TBX15: variants seen among roughly 807,000 people sequenced by gnomAD.
The protein encoded by TBX15 is T-box transcription factor 15.
Under a neutral mutation model 53.9 loss-of-function variants are expected in TBX15, and 18 were observed. The observed-to-expected ratio is 0.33, with a 90% CI of 0.23 to 0.49. The LOEUF (loss-of-function observed/expected upper bound fraction) is 0.49. Among genes scored for constraint, TBX15 ranks in the 20% least tolerant of loss-of-function variants. TBX15 has a pLI of 0.98. For synonymous variants in TBX15, 295 were observed against 278.0 expected, an observed-to-expected ratio of 1.06 and a Z score of -0.61; for missense variants, 692 against 749.5, an observed-to-expected ratio of 0.92 and a Z score of 0.90.
At chr1:118,897,199 T>G (rs1654459826) in intron 7 of TBX15, among the ~76,000 whole-genome samples, 2 of 152,298 alleles carry the variant, frequency 1.3e-5, no homozygotes, top group South Asian at 4.1e-4. Flanking sequence ...ATGGCGTCCC[T>G]CAATGATCAC....
chr1:118,912,088 A>G (rs559941049), intron 6 of TBX15, among the ~76,000 whole-genome samples: 24 of 152,352 alleles, frequency 1.6e-4, no homozygotes, highest in African/African-American at 5.3e-4. Flanking sequence ...AATCAAATTC[A>G]ACTTTAGAAA....
chr1:118,900,115 T>TA (rs994393515), intron 6 of TBX15, among the ~76,000 whole-genome samples: 34 of 149,130 alleles, frequency 2.3e-4, no homozygotes, highest in African/African-American at 5.2e-4. Flanking sequence ...GATCTTTCTT[T>TA]AAAAAAAAAA....
intron 1 of TBX15, among the ~76,000 whole-genome samples, chr1:118,982,561 C>CAGAT (rs1266577635): frequency 6.6e-6 from 1 of 152,222 alleles, no homozygotes. Flanking sequence ...GCACATTATA[C>CAGAT]AGATAAATGG....
chr1:118,970,031 T>C (rs1351735200), intron 1 of TBX15, among the ~76,000 whole-genome samples: 1 of 152,242 alleles, frequency 6.6e-6, no homozygotes, highest in Non-Finnish European at 1.5e-5. Context: ...TAAAAGTGTG[T>C]AGCACTTCCC....
chr1:118,979,515 C>A (rs1250526291), intron 1 of TBX15, among the ~76,000 whole-genome samples: 1 of 152,140 alleles, frequency 6.6e-6, no homozygotes, highest in African/African-American at 2.4e-5. Context: ...TTTGATTCCT[C>A]GGAAATTTGT....
At position 118,885,121 on chromosome 1, in the gene TBX15, T is replaced by G. The variant is rs949115239; in HGVS notation, c.1420A>C (p.Thr474Pro). The G allele has an allele frequency of 1.9e-6, 3 of 1,614,076 alleles. No individual in the cohort carries two copies. Among genetic ancestry groups the G allele is most frequent in the Non-Finnish European group, 2.5e-6 (3 of 1,180,012 alleles). ...AYGGQLGSFP[T>P]SQFQYVMQAG... ...TGCATGACATACTGAAACTGGGAAGTGGGAAAGGACCCCAGCTGGCCACCG... is the reference window on the plus strand; with the variant it reads ...TGCATGACATACTGAAACTGGGAAGGGGGAAAGGACCCCAGCTGGCCACCG... The change falls in exon 8 of 8, where the codon ACT (threonine) becomes CCT (proline). Residue 474 changes from threonine to proline, a missense_variant. Physicochemically the swap from Thr to Pro is conservative, Grantham distance 38. This residue lies in a region of TBX15 where 375 missense variants were observed against 371.6 expected (regional missense o/e 1.01). Transcript: ENST00000369429.
At chr1:118,980,349 C>T (rs1657606150) in intron 1 of TBX15, among the ~76,000 whole-genome samples, 1 of 152,260 alleles carries the variant, frequency 6.6e-6, no homozygotes, top group African/African-American at 2.4e-5. Context: ...TCCAAGGCTC[C>T]GGGCTAGGTC....
chr1:118,955,102 C>T (rs561932919), intron 1 of TBX15, among the ~76,000 whole-genome samples: 76 of 152,292 alleles, frequency 5.0e-4, no homozygotes, highest in African/African-American at 1.7e-3. Context: ...CCAAGAAGGC[C>T]TCCCCTGCCC....
At chr1:118,964,666 A>G (rs1423523582) in intron 1 of TBX15, among the ~76,000 whole-genome samples, 8 of 152,256 alleles carry the variant, frequency 5.3e-5, no homozygotes, top group African/African-American at 1.4e-4. Flanking sequence ...ATTTCACTGA[A>G]TGGGCTATTT....
At chr1:118,975,208 C>T (rs1247094413) in intron 1 of TBX15, among the ~76,000 whole-genome samples, 1 of 152,146 alleles carries the variant, frequency 6.6e-6, no homozygotes, top group Non-Finnish European at 1.5e-5. Context: ...CAAAGAAACG[C>T]AGGTCATGTC....
intron 6 of TBX15, among the ~76,000 whole-genome samples, 159 bp downstream of exon 6, chr1:118,913,956 T>A (rs1203134894): frequency 6.6e-6 from 1 of 152,210 alleles, no homozygotes; most frequent in African/African-American, 2.4e-5. Context: ...AACAAAGAAT[T>A]TGATTCTTAC....
In TBX15 at chr1:118,914,118, T is replaced by C. The variant is rs1373799979; in HGVS notation, c.923A>G (p.Asn308Ser). 2 of 1,613,656 alleles carry C rather than the reference T, an allele frequency of 1.2e-6. No individual in the cohort carries two copies. Among genetic ancestry groups the C allele is most frequent in the East Asian group, 2.2e-5 (1 of 44,870 alleles). Residue 308 changes from asparagine to serine, a missense_variant, in exon 6 of 8, where the codon AAC (asparagine) becomes AGC (serine). By Grantham distance (46) the Asn-to-Ser change is conservative. Around this residue, in one of 3 missense-constraint regions of TBX15, gnomAD observed 375 missense variants for 371.6 expected, o/e 1.01. Coordinates refer to ENST00000369429, the MANE Select transcript of TBX15 (RefSeq NM_001330677.2). Reference sequence around the variant, plus strand: ...CCTCTTCCCCAGTGATTCTTACCTGTTTCTCCCAGAATCTCTGAATCCTTT... The same window carrying C: ...CCTCTTCCCCAGTGATTCTTACCTGCTTCTCCCAGAATCTCTGAATCCTTT... ...FAKGFRDSGR[N>S]RTGLEAIMET...
chr1:118,883,184 C>A lies in TBX15; in HGVS notation c.*1548G>T, dbSNP rs1653779847. 1 of 152,490 alleles carries A rather than the reference C, an allele frequency of 6.6e-6. No homozygotes were observed. The highest frequency in any genetic ancestry group is 2.1e-4 in the South Asian group (1 of 4,824). The allele number at this position is 152,490 out of a possible 1,614,324, so 9.4% of individuals were successfully genotyped here. A position where few individuals can be genotyped will look rare whatever the true frequency, so the allele number is the denominator to read the frequency against. ...CTTTTATTGCCCCCTTTTTCATATT[C>A]ATAATATTGGATTCCCCACTAGGCA... On this transcript the variant is annotated 3_prime_UTR_variant, in exon 8 of 8. Coordinates refer to ENST00000369429, the MANE Select transcript of TBX15 (RefSeq NM_001330677.2).
At chr1:118,957,054 G>A (rs1359672332) in intron 1 of TBX15, among the ~76,000 whole-genome samples, 8 of 152,002 alleles carry the variant, frequency 5.3e-5, no homozygotes, top group East Asian at 1.9e-4. Flanking sequence ...TGAAGATTCC[G>A]AATGGGTTCT....
chr1:118,942,679 A>G (rs1656220474), intron 1 of TBX15, among the ~76,000 whole-genome samples: 1 of 152,182 alleles, frequency 6.6e-6, no homozygotes, highest in South Asian at 2.1e-4. Flanking sequence ...GAAATCTTTC[A>G]GGGGTTTCAA....
chr1:118,924,612 A>G (rs1419571639), intron 4 of TBX15, 34 bp downstream of exon 4: 1 of 1,613,380 alleles, frequency 6.2e-7, no homozygotes, highest in African/African-American at 1.3e-5. Flanking sequence ...AGAGGAAGAG[A>G]GAAAGAAAGG....
chr1:118,956,808 C>T (rs963830410), intron 1 of TBX15, among the ~76,000 whole-genome samples: 15 of 151,056 alleles, frequency 9.9e-5, no homozygotes, highest in Middle Eastern at 3.4e-3. Context: ...AAAAATTAGC[C>T]GGAAATTAGC....
Position 118,987,580 on chromosome 1 carries a change from G to A in TBX15, c.205+11C>T, listed in dbSNP as rs1657882741. On this transcript the variant is annotated intron_variant, in intron 1 of 7. Coordinates refer to ENST00000369429, the MANE Select transcript of TBX15 (RefSeq NM_001330677.2). ...CCGCCCGCCTCCCGCGGTCGGCTGC[G>A]ACGCACTCACCCGGGTGAGGCTCCA... The A allele has an allele frequency of 1.3e-6, 2 of 1,541,756 alleles. No homozygotes were observed. The highest frequency in any genetic ancestry group is 1.2e-5 in the South Asian group (1 of 83,860).
chr1:118,984,639 G>C (rs1477676559), intron 1 of TBX15, among the ~76,000 whole-genome samples: 3 of 152,248 alleles, frequency 2.0e-5, no homozygotes, highest in Non-Finnish European at 4.4e-5. Context: ...TCCGAGGCTG[G>C]TCTTGAGGCA....
Sources: gnomAD v4.1 joint callset for allele counts (sites outside exome capture counted in the v4.1 genomes callset) on GRCh38, gnomAD v4.1.1 for gene constraint, gnomAD v4.1.1 regional missense constraint, MANE v1.5 for transcripts, NCBI Gene and HGNC (gene_info 2026-07-23, HGNC 2026-07-21) for gene names.